GNA12: variants seen among roughly 807,000 people sequenced by gnomAD.
GNA12 encodes the protein guanine nucleotide-binding protein subunit alpha-12.
GNA12 carries 9 observed loss-of-function variants against 26.0 expected under a neutral mutation model. The ratio of observed to expected loss-of-function variants is 0.35; its 90% CI spans 0.21 to 0.60. GNA12 has a LOEUF of 0.60. GNA12 is among the 20% of genes least tolerant of loss of function. The pLI is 0.78. For synonymous variants in GNA12, 264 were observed against 219.6 expected (o/e 1.20, Z -1.79); for missense variants, 405 against 525.8 (o/e 0.77, Z 2.25).
chr7:2,842,109 AG>A (rs1278533631), intron 1 of GNA12, among the ~76,000 whole-genome samples: 78 of 78,218 alleles, frequency 1.0e-3, no homozygotes, highest in East Asian at 3.7e-3. Context: ...AAAGGAAGGA[AG>A]GGAAGGGAGG....
At chr7:2,802,408 T>A (rs1268894048) in intron 1 of GNA12, among the ~76,000 whole-genome samples, 1 of 72,416 alleles carries the variant, frequency 1.4e-5, no homozygotes, top group Non-Finnish European at 2.6e-5. Context: ...GGGTGGGGGG[T>A]GGGGTTCAAT....
chr7:2,834,849 T>C (rs191866356), intron 1 of GNA12, among the ~76,000 whole-genome samples: 87 of 152,308 alleles, frequency 5.7e-4, no homozygotes, highest in Non-Finnish European at 7.1e-4. Context: ...CGGTCAGCTA[T>C]ATTATCTAGG....
chr7:2,822,256 G>C (rs1793386387), intron 1 of GNA12, among the ~76,000 whole-genome samples: 1 of 152,222 alleles, frequency 6.6e-6, no homozygotes, highest in Non-Finnish European at 1.5e-5. Flanking sequence ...AGCGACTGGA[G>C]TGGTTGTTTT....
At chr7:2,785,200 C>A (rs905261470) in intron 2 of GNA12, among the ~76,000 whole-genome samples, 4 of 152,162 alleles carry the variant, frequency 2.6e-5, no homozygotes, top group African/African-American at 7.2e-5. Flanking sequence ...GCAAGAGCCA[C>A]CCCAGAGGAA....
chr7:2,788,765 C>G (rs1410429131), intron 2 of GNA12, among the ~76,000 whole-genome samples: 1 of 152,218 alleles, frequency 6.6e-6, no homozygotes, highest in Non-Finnish European at 1.5e-5. Context: ...TATGACCACA[C>G]TGCCTCTCTA....
At chr7:2,737,289 G>GTTTTTTTTTTTTTTTT (rs11389467) in intron 2 of GNA12, among the ~76,000 whole-genome samples, 103 of 62,262 alleles carry the variant, frequency 1.7e-3, no homozygotes, top group Non-Finnish European at 1.8e-3. Context: ...TTTTTTTTTT[G>GTTTTTTTTTTTTTTTT]TTTTTTTTTT....
intron 1 of GNA12, among the ~76,000 whole-genome samples, chr7:2,839,702 C>A (rs1778934293): frequency 6.6e-6 from 1 of 151,904 alleles, no homozygotes; most frequent in Admixed American, 6.6e-5. Context: ...TATGAAATGA[C>A]AAAATTATCG....
intron 2 of GNA12, among the ~76,000 whole-genome samples, chr7:2,750,147 G>C (rs1433835831): frequency 6.6e-6 from 1 of 152,088 alleles, no homozygotes; most frequent in African/African-American, 2.4e-5. Flanking sequence ...CAGACTCTCC[G>C]GTCTGACATG....
At chr7:2,801,006 A>G (rs1792796359) in intron 1 of GNA12, among the ~76,000 whole-genome samples, 1 of 152,154 alleles carries the variant, frequency 6.6e-6, no homozygotes, top group African/African-American at 2.4e-5. Context: ...CGGCACGGAG[A>G]AGGTAGCACA....
At chr7:2,787,403 C>T (rs1392515895) in intron 2 of GNA12, among the ~76,000 whole-genome samples, 1 of 152,204 alleles carries the variant, frequency 6.6e-6, no homozygotes, top group East Asian at 1.9e-4. Flanking sequence ...CCTCCACAGG[C>T]ACCACGAGCT....
chr7:2,832,248 C>T (rs1174943173), intron 1 of GNA12, among the ~76,000 whole-genome samples: 6 of 152,174 alleles, frequency 3.9e-5, no homozygotes, highest in Middle Eastern at 3.2e-3. Context: ...CCTGTCCTCC[C>T]GTTGTGTTTC....
At chr7:2,743,154 C>A (rs1297768190) in intron 2 of GNA12, among the ~76,000 whole-genome samples, 2 of 152,170 alleles carry the variant, frequency 1.3e-5, no homozygotes, top group Non-Finnish European at 2.9e-5. Flanking sequence ...TAAACTTTGC[C>A]TAAGAGCCTG....
intron 2 of GNA12, among the ~76,000 whole-genome samples, chr7:2,788,521 G>C (rs17132706): frequency 6.6e-6 from 1 of 152,162 alleles, no homozygotes; most frequent in Non-Finnish European, 1.5e-5. Context: ...ACATGTAATT[G>C]ACTGGCCACA....
chr7:2,762,689 C>T (rs1232251415), intron 2 of GNA12: 29 of 1,581,938 alleles, frequency 1.8e-5, no homozygotes, highest in Non-Finnish European at 2.5e-5. Context: ...AGAAACCACG[C>T]TGCCCGGGTG....
At chr7:2,764,237 CTAATT>C (rs1191714360) in intron 2 of GNA12, among the ~76,000 whole-genome samples, 3 of 145,136 alleles carry the variant, frequency 2.1e-5, no homozygotes, top group Non-Finnish European at 4.6e-5. Flanking sequence ...CTATCCCCAG[CTAATT>C]TCTTTTTTTT....
At chr7:2,814,377 T>G in intron 1 of GNA12, 1 of 1,578,902 alleles carries the variant, frequency 6.3e-7, no homozygotes, top group Non-Finnish European at 8.7e-7. Context: ...CCATCTGGTG[T>G]GCTTCCCGAA....
At chr7:2,751,304 T>A (rs566141971) in intron 2 of GNA12, among the ~76,000 whole-genome samples, 34 of 150,016 alleles carry the variant, frequency 2.3e-4, no homozygotes, top group Admixed American at 8.7e-4. Context: ...GGTGGGAGGA[T>A]CACTTCAACC....
At chr7:2,839,620 G>C (rs907150297) in intron 1 of GNA12, among the ~76,000 whole-genome samples, 1 of 152,336 alleles carries the variant, frequency 6.6e-6, no homozygotes, top group South Asian at 2.1e-4. Context: ...CTGGGTTCAA[G>C]CAATCTGCCT....
chr7:2,832,084 G>A (rs1056209668), intron 1 of GNA12, among the ~76,000 whole-genome samples: 6 of 152,058 alleles, frequency 3.9e-5, no homozygotes, highest in African/African-American at 7.3e-5. Flanking sequence ...AAATTTCTCC[G>A]CAGCCCAAAT....
Sources: allele counts gnomAD v4.1 joint callset (sites outside exome capture counted in the v4.1 genomes callset), GRCh38; gene constraint gnomAD v4.1.1; transcripts MANE v1.5; gene names NCBI Gene and HGNC (gene_info 2026-07-23, HGNC 2026-07-21).